Variants in WDR70 observed in about 807,000 individuals in gnomAD.
WDR70 encodes WD repeat domain 70, also known as WD repeat-containing protein 70.
A neutral mutation model predicts 88.6 loss-of-function variants in WDR70; 53 were observed. The observed-to-expected ratio is 0.60, with a 90% CI of 0.48 to 0.75. WDR70 has a LOEUF of 0.75. Ranked by LOEUF, WDR70 falls within the 30% of genes least tolerant of loss-of-function variation. The pLI, the probability that WDR70 is intolerant of heterozygous loss-of-function variation, is 0.00. For synonymous variants in WDR70, 280 were observed against 270.0 expected (o/e 1.04, Z -0.36); for missense variants, 610 against 823.2 (o/e 0.74, Z 3.17).
At chr5:37,725,515 T>A (rs1044000565) in intron 16 of WDR70, among the ~76,000 whole-genome samples, 1 of 151,844 alleles carries the variant, frequency 6.6e-6, no homozygotes, top group Non-Finnish European at 1.5e-5. Flanking sequence ...GTCTTTAGAG[T>A]TTTTGAGAAG....
Position 37,517,104 on chromosome 5 carries a change from T to C in WDR70, c.917+514T>C, listed in dbSNP as rs1740912267. Among the ~76,000 whole-genome samples, 4 of 152,058 alleles carry C rather than the reference T, an allele frequency of 2.6e-5. No individual in the cohort carries two copies. The South Asian group carries it at 8.3e-4, about 32-fold the overall frequency. ...AAAATAGACACTATGAAAACGAGAG[T>C]GGTATAAATTCCTGTAGAGTTTATT... is the stretch of plus-strand genomic sequence containing the variant. On this transcript the variant is annotated intron_variant, in intron 9 of 17. Coordinates refer to ENST00000265107, the MANE Select transcript of WDR70 (RefSeq NM_018034.4).
intron 9 of WDR70, among the ~76,000 whole-genome samples, chr5:37,521,738 A>ACACACC (rs1554146366): frequency 7.3e-6 from 1 of 136,110 alleles, no homozygotes; most frequent in African/African-American, 2.9e-5. Context: ...ACACACACAC[A>ACACACC]CACCCACATG....
chr5:37,427,990 G>A (rs965010602), intron 5 of WDR70, among the ~76,000 whole-genome samples: 2 of 151,668 alleles, frequency 1.3e-5, no homozygotes, highest in African/African-American at 4.8e-5. Flanking sequence ...AAAATTAATG[G>A]GAAGAGATGT....
rs577121488 is a variant in WDR70 at position 37,721,283 on chromosome 5, C to T, written c.1517+68C>T. 2.9e-6 allele frequency: 4 copies of T among 1,374,436 alleles called. No homozygotes were observed. In the South Asian group the frequency reaches 4.7e-5, roughly 16 times the overall value. 85.1% of individuals were successfully genotyped at this position (1,374,436 alleles called of 1,614,324 possible). A position where few individuals can be genotyped will look rare whatever the true frequency, so the allele number is the denominator to read the frequency against. On this transcript the variant is annotated intron_variant, in intron 14 of 17. Coordinates refer to ENST00000265107, the MANE Select transcript of WDR70 (RefSeq NM_018034.4). ...TGGGGGGAGGGATTTCCCTCCCACC[C>T]CCGCTTTTATTTATTTCCCACTTTG...
intron 16 of WDR70, among the ~76,000 whole-genome samples, chr5:37,725,446 CA>C (rs992561880): frequency 1.3e-5 from 2 of 152,024 alleles, no homozygotes; most frequent in African/African-American, 4.8e-5. Context: ...AGGTTTCACA[CA>C]AGGCAGAATG....
At chr5:37,592,262 T>G (rs1202665898) in intron 9 of WDR70, among the ~76,000 whole-genome samples, 1 of 152,226 alleles carries the variant, frequency 6.6e-6, no homozygotes, top group Non-Finnish European at 1.5e-5. Context: ...AAAAATTTTT[T>G]GCATCAAACA....
At chr5:37,736,348 GT>G (rs1361693872) in intron 17 of WDR70, among the ~76,000 whole-genome samples, 1 of 152,112 alleles carries the variant, frequency 6.6e-6, no homozygotes, top group Non-Finnish European at 1.5e-5. Flanking sequence ...GTGTATGTAT[GT>G]GTTAAAATAT....
At position 37,381,562 on chromosome 5, in the gene WDR70, C is replaced by G. The variant is rs540736018; in HGVS notation, c.92-40C>G. On this transcript the variant is annotated intron_variant, in intron 2 of 17. Transcript: ENST00000265107. ...GATCACCTAAAGTTTGGCCAACTTA[C>G]TGCAAGACAATCACAGTCTCCCATT... 2.5e-6 allele frequency: 4 copies of G among 1,587,328 alleles called. No homozygotes were observed. In the African/African-American group the frequency reaches 5.4e-5, roughly 21 times the overall value.
intron 10 of WDR70, among the ~76,000 whole-genome samples, chr5:37,683,257 T>A (rs542710974): frequency 1.3e-5 from 2 of 152,262 alleles, no homozygotes; most frequent in South Asian, 4.1e-4. Flanking sequence ...CAACATACGA[T>A]TTGGTCTTGG....
At chr5:37,394,899 T>C (rs978962495) in intron 4 of WDR70, among the ~76,000 whole-genome samples, 1 of 152,204 alleles carries the variant, frequency 6.6e-6, no homozygotes, top group African/African-American at 2.4e-5. Context: ...TGTTTAAGGG[T>C]AACCTGAATG....
intron 9 of WDR70, among the ~76,000 whole-genome samples, chr5:37,517,763 T>A (rs1273404177): frequency 1.3e-5 from 2 of 151,334 alleles, no homozygotes; most frequent in Non-Finnish European, 2.9e-5. Context: ...TGCATAATAA[T>A]CACATCATGT....
At chr5:37,572,086 G>A (rs1181913063) in intron 9 of WDR70, among the ~76,000 whole-genome samples, 1 of 152,132 alleles carries the variant, frequency 6.6e-6, no homozygotes, top group Admixed American at 6.6e-5. Context: ...CTGAGCTGAG[G>A]AATTATGTTC....
At chr5:37,416,709 A>G (rs1391419614) in intron 5 of WDR70, among the ~76,000 whole-genome samples, 2 of 151,788 alleles carry the variant, frequency 1.3e-5, no homozygotes, top group Non-Finnish European at 2.9e-5. Context: ...CCCCCTGAGT[A>G]ACTGAGATTA....
chr5:37,677,951 C>T (rs1418050678), intron 10 of WDR70, among the ~76,000 whole-genome samples: 1 of 152,148 alleles, frequency 6.6e-6, no homozygotes, highest in Non-Finnish European at 1.5e-5. Flanking sequence ...GATAGTAGCT[C>T]TTCTTGTTGA....
At chr5:37,654,557 A>G (rs1745498344) in intron 10 of WDR70, among the ~76,000 whole-genome samples, 1 of 152,130 alleles carries the variant, frequency 6.6e-6, no homozygotes, top group Non-Finnish European at 1.5e-5. Flanking sequence ...AATGTCTCCC[A>G]CTGTTATTGT....
At chr5:37,585,134 G>A (rs987394675) in intron 9 of WDR70, among the ~76,000 whole-genome samples, 1 of 151,570 alleles carries the variant, frequency 6.6e-6, no homozygotes, top group Non-Finnish European at 1.5e-5. Context: ...GGGATTACAG[G>A]TGCACACCAC....
At chr5:37,482,979 T>G (rs1739718310) in intron 8 of WDR70, among the ~76,000 whole-genome samples, 1 of 151,822 alleles carries the variant, frequency 6.6e-6, no homozygotes, top group African/African-American at 2.4e-5. Flanking sequence ...CCCAGGAGTT[T>G]GAGGTAGTGT....
intron 8 of WDR70, among the ~76,000 whole-genome samples, chr5:37,513,637 G>A (rs1030221840): frequency 1.3e-5 from 2 of 152,156 alleles, no homozygotes; most frequent in African/African-American, 4.8e-5. Context: ...TGCAAGCTGA[G>A]GAGCAAGGAA....
intron 9 of WDR70, among the ~76,000 whole-genome samples, chr5:37,562,656 A>G (rs1351549206): frequency 4.4e-3 from 582 of 130,874 alleles, no homozygotes; most frequent in South Asian, 7.5e-3. Context: ...ACTCTTAACG[A>G]GCATGCTGCC....
Sources: gnomAD v4.1 joint callset for allele counts (sites outside exome capture counted in the v4.1 genomes callset) on GRCh38, gnomAD v4.1.1 for gene constraint, MANE v1.5 for transcripts, NCBI Gene and HGNC (gene_info 2026-07-23, HGNC 2026-07-21) for gene names.